CEP63: variants seen among roughly 807,000 people sequenced by gnomAD.
CEP63 encodes the protein centrosomal protein 63.
In CEP63, 84 loss-of-function variants were observed where a neutral mutation model predicts 89.1. That is an observed-to-expected ratio of 0.94 (90% CI 0.79 to 1.13). CEP63 has a LOEUF of 1.13. Among genes scored for constraint, CEP63 ranks in the 50% most tolerant of loss-of-function variants. The pLI, the probability that CEP63 is intolerant of heterozygous loss-of-function variation, is 0.00. For synonymous variants in CEP63, 267 were observed against 272.5 expected, an observed-to-expected ratio of 0.98 and a Z score of 0.20; for missense variants, 838 against 813.3, an observed-to-expected ratio of 1.03 and a Z score of -0.37.
At chr3:134,627,561 G>A in the CEP63 span, among the ~76,000 whole-genome samples, 1 of 152,190 alleles carries the variant, frequency 6.6e-6, no homozygotes, top group Admixed American at 6.5e-5. Context: ...TCTGGTGCAT[G>A]AGCTTTTTCC....
chr3:134,642,228 C>A, the CEP63 span, among the ~76,000 whole-genome samples: 30,616 of 152,164 alleles, frequency 0.2, 3,562 homozygotes, highest in Non-Finnish European at 0.27. Flanking sequence ...TTTCAGAGAG[C>A]AATTCCCTGA....
the CEP63 span, among the ~76,000 whole-genome samples, chr3:134,703,499 A>T: frequency 6.6e-6 from 1 of 152,150 alleles, no homozygotes. Context: ...GCTGGAGGCC[A>T]TTATCCTTAG....
At chr3:134,665,725 ACAGG>A in the CEP63 span, among the ~76,000 whole-genome samples, 136 of 96,086 alleles carry the variant, frequency 1.4e-3, no homozygotes, top group African/African-American at 2.3e-3. Context: ...AGAGAGAGAG[ACAGG>A]GACAGAGCGA....
chr3:134,650,759 C>T, the CEP63 span: 1 of 1,415,666 alleles, frequency 7.1e-7, no homozygotes, highest in Admixed American at 2.6e-5. Context: ...CCCCGGCGGG[C>T]AGGCCCTTGT....
the CEP63 span, among the ~76,000 whole-genome samples, chr3:134,671,397 T>G: frequency 6.6e-6 from 1 of 152,186 alleles, no homozygotes; most frequent in Non-Finnish European, 1.5e-5. Context: ...TGTTCATTAT[T>G]TGGGTAATGG....
intron 12 of CEP63, 86 bp downstream of exon 12, chr3:134,552,098 T>A: frequency 1.3e-6 from 1 of 748,636 alleles, no homozygotes. Flanking sequence ...AAGAGAGAAT[T>A]AAGATCAACT....
chr3:134,750,190 C>A, the CEP63 span, among the ~76,000 whole-genome samples: 3 of 152,212 alleles, frequency 2.0e-5, no homozygotes, highest in African/African-American at 7.2e-5. Context: ...TCAGGCAGGG[C>A]ATTTTTATCT....
the CEP63 span, among the ~76,000 whole-genome samples, chr3:134,655,219 G>A: frequency 6.6e-6 from 1 of 152,186 alleles, no homozygotes; most frequent in Non-Finnish European, 1.5e-5. Context: ...CATGGATGTG[G>A]TTTCACAGTT....
At chr3:134,597,323 A>G in the CEP63 span, among the ~76,000 whole-genome samples, 112 of 152,294 alleles carry the variant, frequency 7.4e-4, 1 homozygote, top group African/African-American at 2.6e-3. Flanking sequence ...TATTTCTCCT[A>G]TGTAGAGGCC....
intron 6 of CEP63, among the ~76,000 whole-genome samples, chr3:134,539,965 C>G (rs1435424652): frequency 2.0e-5 from 3 of 152,070 alleles, no homozygotes; most frequent in African/African-American, 7.2e-5. Context: ...TGCTTACATA[C>G]AGTGTGCAGT....
chr3:134,659,035 T>A, the CEP63 span, among the ~76,000 whole-genome samples: 2 of 152,200 alleles, frequency 1.3e-5, no homozygotes, highest in Admixed American at 1.3e-4. Flanking sequence ...CATATAATAA[T>A]GTGCAAGTGT....
intron 3 of CEP63, among the ~76,000 whole-genome samples, chr3:134,520,089 A>G (rs901989019): frequency 3.9e-5 from 6 of 152,200 alleles, no homozygotes; most frequent in African/African-American, 1.2e-4. Flanking sequence ...AGCTAGTGCA[A>G]TAAAGCAAGA....
chr3:134,703,808 A>T, the CEP63 span, among the ~76,000 whole-genome samples: 1 of 152,204 alleles, frequency 6.6e-6, no homozygotes, highest in Non-Finnish European at 1.5e-5. Flanking sequence ...AAGTTTAAAA[A>T]TAGAAAAATA....
chr3:134,717,568 G>A, the CEP63 span, among the ~76,000 whole-genome samples: 1 of 152,162 alleles, frequency 6.6e-6, no homozygotes, highest in African/African-American at 2.4e-5. Context: ...TGTCTTTAAC[G>A]AGGGCAAAGA....
chr3:134,534,527 T>C (rs1950421560), intron 5 of CEP63, among the ~76,000 whole-genome samples: 1 of 152,176 alleles, frequency 6.6e-6, no homozygotes, highest in Non-Finnish European at 1.5e-5. Context: ...GTGTTCTCAC[T>C]TATCGGTCCT....
chr3:134,718,956 G>A, the CEP63 span, among the ~76,000 whole-genome samples: 4 of 152,166 alleles, frequency 2.6e-5, no homozygotes, highest in South Asian at 2.1e-4. Context: ...TCTGTTTTTC[G>A]TAACAGTTGT....
At chr3:134,650,727 G>C in the CEP63 span, 5 of 1,185,162 alleles carry the variant, frequency 4.2e-6, no homozygotes, top group African/African-American at 1.6e-5. Flanking sequence ...CGCTGACCTC[G>C]TTCGGGGGAG....
the CEP63 span, among the ~76,000 whole-genome samples, chr3:134,667,575 G>A: frequency 6.6e-4 from 101 of 152,322 alleles, no homozygotes; most frequent in African/African-American, 2.2e-3. Context: ...AAGTTCACCC[G>A]GGGGAAGACA....
chr3:134,548,174 G>A (rs1402348573), intron 9 of CEP63, among the ~76,000 whole-genome samples: 2 of 152,116 alleles, frequency 1.3e-5, no homozygotes, highest in South Asian at 2.1e-4. Context: ...CTATGTCTCC[G>A]TCAAGTTATT....
Sources: allele counts gnomAD v4.1 joint callset (sites outside exome capture counted in the v4.1 genomes callset), GRCh38; gene constraint gnomAD v4.1.1; transcripts MANE v1.5; gene names NCBI Gene and HGNC (gene_info 2026-07-23, HGNC 2026-07-21).